The following CXADR variants were observed in gnomAD, a reference collection of about 807,000 sequenced individuals.
The protein encoded by CXADR is CXADR cell adhesion molecule, also known as coxsackievirus and adenovirus receptor.
In CXADR, 20 loss-of-function variants were observed where a neutral mutation model predicts 40.3. The observed-to-expected ratio is 0.50, with a 90% CI of 0.35 to 0.72. The LOEUF (loss-of-function observed/expected upper bound fraction) is 0.72, where lower values mean the gene tolerates loss of function less well. CXADR is among the 30% of genes least tolerant of loss of function. The pLI, the probability that CXADR is intolerant of heterozygous loss-of-function variation, is 0.01. For missense variants in CXADR, 332 were observed against 449.1 expected (o/e 0.74, Z 2.36); for synonymous variants, 150 against 161.3 (o/e 0.93, Z 0.53).
the CXADR span, chr21:17,608,974 G>A: frequency 6.2e-7 from 1 of 1,612,492 alleles, no homozygotes; most frequent in Admixed American, 1.7e-5. Context: ...TCCTTTACCT[G>A]TAGGCCTGTC....
In CXADR at chr21:17,547,093, C is replaced by G. The variant is rs1329337539; in HGVS notation, c.110C>G (p.Ala37Gly). ...ATTGAAAAAGCCAAAGGGGAAACTG[C>G]CTATCTGCCATGCAAATTTACGCTT... ...EMIEKAKGET[A>G]YLPCKFTLSP... The change falls in exon 2 of 7, where the codon GCC becomes GGC. Residue 37 changes from alanine to glycine, a missense_variant. By Grantham distance (60) the Ala-to-Gly change is moderately conservative (BLOSUM62 0). Transcript: ENST00000284878. 1 of 1,613,892 alleles carries G rather than the reference C, an allele frequency of 6.2e-7. No homozygotes were observed. Among genetic ancestry groups the G allele is most frequent in the Non-Finnish European group, 8.5e-7 (1 of 1,179,992 alleles).
chr21:17,532,267 T>G (rs567648232), intron 1 of CXADR, among the ~76,000 whole-genome samples: 10 of 152,300 alleles, frequency 6.6e-5, no homozygotes, highest in African/African-American at 2.4e-4. Context: ...TTTTGAGGGC[T>G]TGATCTTTTA....
At chr21:17,618,160 C>G in the CXADR span, among the ~76,000 whole-genome samples, 1 of 152,160 alleles carries the variant, frequency 6.6e-6, no homozygotes, top group Non-Finnish European at 1.5e-5. Context: ...AAGCCTTGAT[C>G]GCAGCACTGC....
chr21:17,553,332 C>T (rs1282379669), intron 3 of CXADR, among the ~76,000 whole-genome samples: 1 of 152,144 alleles, frequency 6.6e-6, no homozygotes, highest in Non-Finnish European at 1.5e-5. Flanking sequence ...TTTTGTGTAC[C>T]TTCATGGCAA....
chr21:17,550,229 T>TTGTAGTCCCAGCTCCTC (rs1159019157), intron 2 of CXADR, among the ~76,000 whole-genome samples: 1 of 151,690 alleles, frequency 6.6e-6, no homozygotes, highest in African/African-American at 2.4e-5. Context: ...TGGTGGGCAC[T>TTGTAGTCCCAGCTCCTC]TGTAGTCCCA....
chr21:17,547,950 A>AC (rs1222540466), intron 2 of CXADR, among the ~76,000 whole-genome samples: 1 of 152,166 alleles, frequency 6.6e-6, no homozygotes, highest in East Asian at 1.9e-4. Context: ...AGAGGAGGAA[A>AC]CATGCCTAAT....
chr21:17,616,281 C>T, the CXADR span, among the ~76,000 whole-genome samples: 5 of 150,380 alleles, frequency 3.3e-5, no homozygotes, highest in East Asian at 9.8e-4. Context: ...AAAAAACAGT[C>T]TTGGGTACCA....
At chr21:17,538,064 C>T (rs1486195228) in intron 1 of CXADR, among the ~76,000 whole-genome samples, 7 of 151,512 alleles carry the variant, frequency 4.6e-5, no homozygotes, top group South Asian at 2.1e-4. Flanking sequence ...TGCAGTGGTG[C>T]GACCTCGGCT....
At chr21:17,621,040 C>A in the CXADR span, among the ~76,000 whole-genome samples, 1 of 152,164 alleles carries the variant, frequency 6.6e-6, no homozygotes, top group Non-Finnish European at 1.5e-5. Context: ...TTAAAATGTT[C>A]AAATGATTGA....
chr21:17,626,851 A>G, the CXADR span: 1 of 152,228 alleles, frequency 6.6e-6, no homozygotes, highest in Admixed American at 6.5e-5. Flanking sequence ...TTTAGTTGAG[A>G]AAGAACTTAC....
At chr21:17,513,452 T>C (rs916995549) in intron 1 of CXADR, among the ~76,000 whole-genome samples, 3 of 151,982 alleles carry the variant, frequency 2.0e-5, no homozygotes, top group Non-Finnish European at 4.4e-5. Flanking sequence ...GCGTGTCGGG[T>C]GCGCCTCGCA....
chr21:17,518,492 A>C (rs1372970909), intron 1 of CXADR: 3 of 808,990 alleles, frequency 3.7e-6, no homozygotes, highest in Non-Finnish European at 6.6e-6. Context: ...TGATTTGTTC[A>C]ATCTAGTCCA....
rs1337407143 is a variant in CXADR, at chr21:17,567,946, T to C, written c.*2254T>C. On this transcript the variant is annotated 3_prime_UTR_variant, in exon 7 of 7. Coordinates refer to ENST00000284878, the MANE Select transcript of CXADR (RefSeq NM_001338.5). Reference sequence around the variant, plus strand: ...TAGAGGACATTGTTTTAAAGGCTTATGTCTCACTGTAAAATTCTGTCAGCC... The same window carrying C: ...TAGAGGACATTGTTTTAAAGGCTTACGTCTCACTGTAAAATTCTGTCAGCC... 1 of 984,252 alleles carries C rather than the reference T, an allele frequency of 1.0e-6. No homozygotes were observed. The highest frequency in any genetic ancestry group is 1.1e-4 in the East Asian group (1 of 8,802). The allele number at this position is 984,252 out of a possible 1,614,324, so 61.0% of individuals were successfully genotyped here. A position where few individuals can be genotyped will look rare whatever the true frequency, so the allele number is the denominator to read the frequency against.
the CXADR span, among the ~76,000 whole-genome samples, chr21:17,628,874 G>A: frequency 6.6e-6 from 1 of 152,292 alleles, no homozygotes; most frequent in Admixed American, 6.5e-5. Context: ...CAGCCTTTTT[G>A]TTCTGCTGAG....
At chr21:17,588,398 C>CTT (rs2061412564) in intron 7 of CXADR, among the ~76,000 whole-genome samples, 1 of 152,170 alleles carries the variant, frequency 6.6e-6, no homozygotes, top group African/African-American at 2.4e-5. Flanking sequence ...TTTGTATCCT[C>CTT]TTTTATTTCA....
At chr21:17,578,369 G>A (rs1454600879) in intron 7 of CXADR, among the ~76,000 whole-genome samples, 2 of 152,232 alleles carry the variant, frequency 1.3e-5, no homozygotes, top group African/African-American at 4.8e-5. Context: ...TAAGTGAAAG[G>A]TGTATGGTGA....
At chr21:17,546,126 G>T (rs191362356) in intron 1 of CXADR, among the ~76,000 whole-genome samples, 181 of 152,218 alleles carry the variant, frequency 1.2e-3, no homozygotes, top group Non-Finnish European at 2.0e-3. Context: ...TTTTCTTTTT[G>T]AATTATCCTC....
intron 3 of CXADR, among the ~76,000 whole-genome samples, chr21:17,552,312 T>TA (rs1403037643): frequency 5.3e-5 from 8 of 152,194 alleles, no homozygotes; most frequent in Non-Finnish European, 1.2e-4. Context: ...ATGAATAATT[T>TA]AAGCATTTAG....
chr21:17,536,237 T>G (rs935934286), intron 1 of CXADR, among the ~76,000 whole-genome samples: 2 of 152,216 alleles, frequency 1.3e-5, no homozygotes, highest in African/African-American at 2.4e-5. Flanking sequence ...TTAACATACT[T>G]CTTTTATGTC....
Sources: gnomAD v4.1 joint callset for allele counts (sites outside exome capture counted in the v4.1 genomes callset) on GRCh38, gnomAD v4.1.1 for gene constraint, MANE v1.5 for transcripts, NCBI Gene and HGNC (gene_info 2026-07-23, HGNC 2026-07-21) for gene names.